Variants in LRBA observed in about 807,000 individuals in gnomAD.
LRBA encodes lipopolysaccharide-responsive and beige-like anchor protein.
In LRBA, 176 loss-of-function variants were observed where a neutral mutation model predicts 330.0. That is an observed-to-expected ratio of 0.53 (90% CI 0.47 to 0.60). The LOEUF (loss-of-function observed/expected upper bound fraction) is 0.60, where lower values mean the gene tolerates loss of function less well. Ranked by LOEUF, LRBA falls within the 20% of genes least tolerant of loss-of-function variation. The pLI, the probability that LRBA is intolerant of heterozygous loss-of-function variation, is 0.00. For missense variants in LRBA, 3,259 were observed against 3,444.8 expected, an observed-to-expected ratio of 0.95 and a Z score of 1.35; for synonymous variants, 1,230 against 1,193.0, an observed-to-expected ratio of 1.03 and a Z score of -0.64.
intron 47 of LRBA, among the ~76,000 whole-genome samples, chr4:150,351,715 A>G (rs1283348009): frequency 6.6e-6 from 1 of 152,126 alleles, no homozygotes; most frequent in Non-Finnish European, 1.5e-5. Context: ...CAAAAAAACT[A>G]TACAGTAATC....
intron 44 of LRBA, among the ~76,000 whole-genome samples, chr4:150,452,122 C>A (rs1174172222): frequency 6.6e-6 from 1 of 152,086 alleles, no homozygotes; most frequent in Non-Finnish European, 1.5e-5. Flanking sequence ...ATATTACAGG[C>A]CAATATCCTT....
chr4:150,665,818 A>G (rs776281014), intron 37 of LRBA, among the ~76,000 whole-genome samples: 1 of 152,204 alleles, frequency 6.6e-6, no homozygotes, highest in Non-Finnish European at 1.5e-5. Context: ...TTTCTCCGGT[A>G]AACTGTATTT....
chr4:150,508,497 T>C (rs1379766620), intron 40 of LRBA, among the ~76,000 whole-genome samples: 1 of 152,010 alleles, frequency 6.6e-6, no homozygotes, highest in Non-Finnish European at 1.5e-5. Flanking sequence ...CCATGTTGGC[T>C]AGGCTGGTCT....
chr4:150,741,960 C>T (rs546444403), intron 35 of LRBA, among the ~76,000 whole-genome samples: 71 of 151,810 alleles, frequency 4.7e-4, no homozygotes, highest in Non-Finnish European at 7.9e-4. Flanking sequence ...TATAAACAAA[C>T]GACCCATTCT....
At chr4:150,944,756 G>C (rs1477966374) in intron 2 of LRBA, among the ~76,000 whole-genome samples, 3 of 152,134 alleles carry the variant, frequency 2.0e-5, no homozygotes, top group African/African-American at 7.2e-5. Context: ...TCTGAATACT[G>C]GTGATATGGT....
At position 150,885,882 on chromosome 4, in the gene LRBA, A is replaced by C. The variant is rs531974637; in HGVS notation, c.2165+7170T>G. On this transcript the variant is annotated intron_variant, in intron 17 of 56. Coordinates refer to ENST00000651943, the MANE Select transcript of LRBA (RefSeq NM_001364905.1). ...ATCCTCTAAAAATGGAAGCAAATAA[A>C]AGTATTCTGAGATGAACAAAGACTG... is the stretch of plus-strand genomic sequence containing the variant. Among the ~76,000 whole-genome samples the C allele has an allele frequency of 2.0e-5, 3 of 152,332 alleles. No individual in the cohort carries two copies. The South Asian group carries it at 6.2e-4, about 32-fold the overall frequency.
chr4:150,487,107 G>C (rs961139814), intron 42 of LRBA, among the ~76,000 whole-genome samples: 1 of 151,684 alleles, frequency 6.6e-6, no homozygotes, highest in African/African-American at 2.4e-5. Flanking sequence ...CAGGAGTGCA[G>C]ATATCTCTTT....
In LRBA at chr4:150,574,985, C is replaced by T. The variant is rs114097042; in HGVS notation, c.6330+13063G>A. 1.3e-3 allele frequency among the ~76,000 whole-genome samples: 193 copies of T among 152,052 alleles called. 3 individuals carry two copies. The highest frequency in any genetic ancestry group is 4.5e-3 in the African/African-American group (188 of 41,536). On this transcript the variant is annotated intron_variant, in intron 40 of 56. Transcript: ENST00000651943. ...GATTTTCTACTCAGTCTAGATGGAT[C>T]TAAACGTACTAACCTCGATTTTAAA...
chr4:150,640,175 C>A (rs1778534605), intron 37 of LRBA, among the ~76,000 whole-genome samples: 1 of 151,728 alleles, frequency 6.6e-6, no homozygotes, highest in Admixed American at 6.6e-5. Context: ...TTTTTAATTT[C>A]AAAAAATGCA....
chr4:150,684,718 T>C (rs1429968489), intron 36 of LRBA, among the ~76,000 whole-genome samples: 1 of 152,204 alleles, frequency 6.6e-6, no homozygotes, highest in African/African-American at 2.4e-5. Context: ...CTTTGTTCTA[T>C]TCAGTGTCTA....
At chr4:150,857,941 T>C (rs1005402657) in intron 22 of LRBA, among the ~76,000 whole-genome samples, 1 of 152,178 alleles carries the variant, frequency 6.6e-6, no homozygotes, top group South Asian at 2.1e-4. Context: ...AATAATACTC[T>C]AAAATAGTAA....
chr4:150,519,444 T>C (rs750016686), intron 40 of LRBA, among the ~76,000 whole-genome samples: 4 of 152,198 alleles, frequency 2.6e-5, no homozygotes, highest in Non-Finnish European at 5.9e-5. Flanking sequence ...CTACGCATGA[T>C]ACACATGGAA....
At chr4:150,398,169 C>T (rs1442877927) in intron 47 of LRBA, among the ~76,000 whole-genome samples, 1 of 152,076 alleles carries the variant, frequency 6.6e-6, no homozygotes, top group East Asian at 1.9e-4. Flanking sequence ...GTGAATGGAA[C>T]AGATCTAAAT....
At chr4:150,757,352 A>G (rs1007055740) in intron 35 of LRBA, among the ~76,000 whole-genome samples, 6 of 152,180 alleles carry the variant, frequency 3.9e-5, no homozygotes, top group Non-Finnish European at 7.4e-5. Context: ...CCAAACAACA[A>G]TTACTTATGT....
intron 29 of LRBA, among the ~76,000 whole-genome samples, chr4:150,831,116 AAT>A (rs1747120768): frequency 6.6e-6 from 1 of 151,884 alleles, no homozygotes; most frequent in Admixed American, 6.6e-5. Context: ...AAGACCCTCC[AAT>A]GAGTTCTCAT....
At chr4:150,517,855 G>A (rs187953792) in intron 40 of LRBA, among the ~76,000 whole-genome samples, 152 of 152,288 alleles carry the variant, frequency 1.0e-3, no homozygotes, top group African/African-American at 3.5e-3. Flanking sequence ...ATTGTCATCA[G>A]TTGGAACATG....
intron 31 of LRBA, among the ~76,000 whole-genome samples, chr4:150,813,362 A>T (rs1338203853): frequency 6.6e-6 from 1 of 152,070 alleles, no homozygotes; most frequent in East Asian, 1.9e-4. Context: ...ATACTTATTA[A>T]TTAGAAGATA....
intron 2 of LRBA, among the ~76,000 whole-genome samples, chr4:150,994,419 C>G (rs1742421575): frequency 6.6e-6 from 1 of 152,214 alleles, no homozygotes; most frequent in Admixed American, 6.5e-5. Context: ...GCACTTAGCA[C>G]AGTCATCCAT....
intron 37 of LRBA, among the ~76,000 whole-genome samples, chr4:150,636,876 T>G (rs1421297016): frequency 6.6e-6 from 1 of 152,168 alleles, no homozygotes; most frequent in Non-Finnish European, 1.5e-5. Context: ...CTCAAACTTC[T>G]GAATTCAAGC....
Sources: allele counts gnomAD v4.1 joint callset (sites outside exome capture counted in the v4.1 genomes callset), GRCh38; gene constraint gnomAD v4.1.1; transcripts MANE v1.5; gene names NCBI Gene and HGNC (gene_info 2026-07-23, HGNC 2026-07-21).